The following LUZP1 variants were observed in gnomAD, a reference collection of about 807,000 sequenced individuals.
LUZP1 encodes the protein filamin mechanobinding actin cross-linking protein.
Under a neutral mutation model 71.3 loss-of-function variants are expected in LUZP1, and 25 were observed. That is an observed-to-expected ratio of 0.35 (90% CI 0.26 to 0.49). The LOEUF (loss-of-function observed/expected upper bound fraction) is 0.49, where lower values mean the gene tolerates loss of function less well. LUZP1 is among the 20% of genes least tolerant of loss of function. The probability of loss-of-function intolerance (pLI) is 0.99; values close to 1 mark genes in which losing one functional copy is unlikely to be tolerated. For missense variants in LUZP1, 1,142 were observed against 1,300.8 expected, an observed-to-expected ratio of 0.88 and a Z score of 1.88; for synonymous variants, 481 against 506.4, an observed-to-expected ratio of 0.95 and a Z score of 0.67.
intron 2 of LUZP1, among the ~76,000 whole-genome samples, chr1:23,131,199 A>C (rs1263106730): frequency 7.5e-6 from 1 of 133,660 alleles, no homozygotes; most frequent in East Asian, 2.5e-4. Flanking sequence ...CAGCCCGGGC[A>C]ACAGAGTGAG....
intron 1 of LUZP1, among the ~76,000 whole-genome samples, chr1:23,171,963 C>T (rs1169999163): frequency 6.6e-6 from 1 of 152,210 alleles, no homozygotes; most frequent in African/African-American, 2.4e-5. Flanking sequence ...GATCGGGATT[C>T]AAAACCCAGC....
At chr1:23,156,682 A>G (rs895670655) in intron 2 of LUZP1, among the ~76,000 whole-genome samples, 3 of 152,168 alleles carry the variant, frequency 2.0e-5, no homozygotes, top group Non-Finnish European at 4.4e-5. Flanking sequence ...CTGTTATTCA[A>G]TGGCGCCATC....
intron 3 of LUZP1, among the ~76,000 whole-genome samples, chr1:23,095,233 G>C (rs1229561093): frequency 6.6e-6 from 1 of 152,186 alleles, no homozygotes; most frequent in Non-Finnish European, 1.5e-5. Flanking sequence ...CAGGAGAATG[G>C]ATTGATAAAT....
At chr1:23,100,050 C>T (rs1434440661) in intron 3 of LUZP1, among the ~76,000 whole-genome samples, 1 of 152,200 alleles carries the variant, frequency 6.6e-6, no homozygotes, top group Non-Finnish European at 1.5e-5. Flanking sequence ...AGATCTGGGC[C>T]TCTCTTTTTT....
intron 2 of LUZP1, among the ~76,000 whole-genome samples, chr1:23,156,526 T>A (rs972045555): frequency 6.6e-6 from 1 of 152,320 alleles, no homozygotes; most frequent in South Asian, 2.1e-4. Context: ...AATTTAACAA[T>A]ATTAATTTAT....
chr1:23,119,084 C>T (rs1440736470), intron 2 of LUZP1, among the ~76,000 whole-genome samples: 1 of 152,084 alleles, frequency 6.6e-6, no homozygotes, highest in African/African-American at 2.4e-5. Flanking sequence ...TGGAGCTTCA[C>T]AAAAGTATTA....
chr1:23,141,209 G>C (rs1379341459), intron 2 of LUZP1: 1 of 152,302 alleles, frequency 6.6e-6, no homozygotes, highest in African/African-American at 2.4e-5. Flanking sequence ...CCTGGAAGGT[G>C]GGGGAAAGGA....
chr1:23,113,363 C>T (rs1644049754), intron 2 of LUZP1, among the ~76,000 whole-genome samples: 1 of 151,964 alleles, frequency 6.6e-6, no homozygotes, highest in African/African-American at 2.4e-5. Context: ...GCCATGTCCA[C>T]ACCACTGCAC....
intron 2 of LUZP1, among the ~76,000 whole-genome samples, chr1:23,143,561 T>C (rs530252079): frequency 2.0e-5 from 3 of 152,198 alleles, no homozygotes; most frequent in South Asian, 2.1e-4. Context: ...TTTTTGCACA[T>C]ATTCTTACCA....
intron 1 of LUZP1, among the ~76,000 whole-genome samples, chr1:23,171,129 G>T (rs1272949160): frequency 1.8e-5 from 2 of 112,988 alleles, no homozygotes; most frequent in Non-Finnish European, 3.5e-5. Flanking sequence ...ATTACTGTAT[G>T]ATTTATATAT....
At position 23,094,263 on chromosome 1, in the gene LUZP1, T is replaced by C. The variant is rs1643881536; in HGVS notation, c.-2A>G. On this transcript the variant is annotated 5_prime_UTR_variant, in exon 4 of 5. Coordinates refer to ENST00000302291, the Ensembl canonical transcript of LUZP1. This position sits in a 1 kb window ranked among gnomAD's most constrained non-coding sequence, Gnocchi z 4.7. Reference sequence around the variant, plus strand: ...CTTGTAGCTTGTAAATTCGGCCATGTCTACTGCCAGCCAATGTGGGCTCCT... The same window carrying C: ...CTTGTAGCTTGTAAATTCGGCCATGCCTACTGCCAGCCAATGTGGGCTCCT... The C allele has an allele frequency of 1.3e-6, 2 of 1,593,570 alleles. No individual in the cohort carries two copies. The highest frequency in any genetic ancestry group is 1.7e-6 in the Non-Finnish European group (2 of 1,171,428).
At chr1:23,158,884 T>C (rs1488629692) in intron 2 of LUZP1, among the ~76,000 whole-genome samples, 10 of 149,342 alleles carry the variant, frequency 6.7e-5, no homozygotes, top group African/African-American at 2.5e-4. Context: ...GGAGAAGCCC[T>C]TGAACCCGGG....
At chr1:23,104,232 T>C (rs982885167) in intron 3 of LUZP1, among the ~76,000 whole-genome samples, 3 of 151,104 alleles carry the variant, frequency 2.0e-5, no homozygotes, top group Admixed American at 6.6e-5. Context: ...CAGGTTGGAG[T>C]GAAGAGGCAC....
At chr1:23,110,324 T>C (rs1644017765) in intron 2 of LUZP1, among the ~76,000 whole-genome samples, 1 of 152,190 alleles carries the variant, frequency 6.6e-6, no homozygotes, top group Non-Finnish European at 1.5e-5. Flanking sequence ...TCCCATTGAA[T>C]CTTACCCCTA....
exon 4 of LUZP1, chr1:23,091,434 T>A: frequency 1.2e-6 from 2 of 1,614,136 alleles, no homozygotes; most frequent in East Asian, 4.5e-5. Context: ...AGATTCCACG[T>A]TTTTACCTAT....
chr1:23,161,933 G>A (rs138296028), intron 2 of LUZP1, among the ~76,000 whole-genome samples: 2,155 of 151,240 alleles, frequency 0.014, 20 homozygotes, highest in Non-Finnish European at 0.019. Context: ...AGGCTGAGGC[G>A]GAGAACGGCT....
chr1:23,091,662 T>G, exon 4 of LUZP1: 1 of 1,614,096 alleles, frequency 6.2e-7, no homozygotes, highest in Non-Finnish European at 8.5e-7. Flanking sequence ...TGGCCTGTCC[T>G]TCAGGGGCCC....
intron 1 of LUZP1, among the ~76,000 whole-genome samples, chr1:23,176,609 C>T (rs1016129513): frequency 2.6e-5 from 4 of 152,062 alleles, no homozygotes; most frequent in East Asian, 1.9e-4. Context: ...GAGGACCATC[C>T]GACCTTATAG....
chr1:23,147,450 A>AG (rs551641984), intron 2 of LUZP1, among the ~76,000 whole-genome samples: 94 of 151,266 alleles, frequency 6.2e-4, no homozygotes, highest in Admixed American at 2.0e-3. Context: ...TCAAAAAAAA[A>AG]AAAAAGAAAA....
Sources: allele counts gnomAD v4.1 joint callset (sites outside exome capture counted in the v4.1 genomes callset), GRCh38; gene constraint gnomAD v4.1.1; non-coding constraint Gnocchi (gnomAD v3.1); transcripts MANE v1.5; gene names NCBI Gene and HGNC (gene_info 2026-07-23, HGNC 2026-07-21).